HRG: variants seen among roughly 807,000 people sequenced by gnomAD.
The protein encoded by HRG is histidine rich glycoprotein.
A neutral mutation model predicts 29.5 loss-of-function variants in HRG; 26 were observed. That is an observed-to-expected ratio of 0.88 (90% confidence interval 0.65 to 1.22). The LOEUF is 1.22. Ranked by LOEUF, HRG falls within the 50% of genes most tolerant of loss-of-function variation. The probability of loss-of-function intolerance (pLI) is 0.00; values close to 1 mark genes in which losing one functional copy is unlikely to be tolerated. For missense variants in HRG, 671 were observed against 654.5 expected, an observed-to-expected ratio of 1.03 and a Z score of -0.28; for synonymous variants, 243 against 240.4, an observed-to-expected ratio of 1.01 and a Z score of -0.10.
chr3:186,666,745 T>C (rs1444866194), intron 1 of HRG, among the ~76,000 whole-genome samples: 2 of 151,954 alleles, frequency 1.3e-5, no homozygotes, highest in Non-Finnish European at 2.9e-5. Context: ...AAACCCTGTC[T>C]CTACTAAAAA....
At chr3:186,675,302 TG>T in intron 6 of HRG, 112 bp downstream of exon 6, 1 of 569,284 alleles carries the variant, frequency 1.8e-6, no homozygotes, top group East Asian at 4.2e-5. Context: ...TGTGTGTGTG[TG>T]TGTGTGAGAG....
At chr3:186,675,260 T>A in intron 6 of HRG, 70 bp downstream of exon 6, 1 of 947,862 alleles carries the variant, frequency 1.1e-6, no homozygotes, top group Non-Finnish European at 1.7e-6. Context: ...AATAGTGTTG[T>A]TGCTTCCTAA....
chr3:186,677,312 G>A lies in HRG; in HGVS notation c.1007G>A (p.Gly336Glu), dbSNP rs772500244. 2 of 1,614,030 alleles carry A rather than the reference G, an allele frequency of 1.2e-6. No individual in the cohort carries two copies. Among genetic ancestry groups the A allele is most frequent in the Middle Eastern group, 1.6e-4 (1 of 6,062 alleles). The change falls in exon 7 of 7, where the codon GGG (glycine) becomes GAG (glutamate). Residue 336 changes from glycine to glutamate, a missense_variant. Gly to Glu is a moderately conservative substitution (Grantham distance 98). Coordinates refer to ENST00000232003, the MANE Select transcript of HRG (RefSeq NM_000412.5). ...SCQHATFGTNGAQRHSHNNNS... is the reference protein window; with the variant it reads ...SCQHATFGTNEAQRHSHNNNS... ...CAACATGCCACTTTTGGCACAAATG[G>A]GGCCCAAAGACATTCTCATAATAAT...
At position 186,666,685 on chromosome 3, in the gene HRG, C is replaced by T. The variant is rs549251793; in HGVS notation, c.183+471C>T. Among the ~76,000 whole-genome samples, 143 of 152,182 alleles carry T rather than the reference C, an allele frequency of 9.4e-4. 1 individual carries two copies. The highest frequency in any genetic ancestry group is 3.3e-3 in the African/African-American group (136 of 41,538). ...ATCCCAGCACTTTGGGAGGCCAAGG[C>T]GGACGGATCATGAGGTCAGGAGTTC... On this transcript the variant is annotated intron_variant, in intron 1 of 6. Transcript: ENST00000232003.
chr3:186,672,325 G>A lies in HRG; in HGVS notation c.559-462G>A, dbSNP rs73886013. Reference sequence around the variant, plus strand: ...CAAGTAAGGAAATGAGTACCATGCAGTTGCTCAAAGAATGTTTGGACCCAT... The same window carrying A: ...CAAGTAAGGAAATGAGTACCATGCAATTGCTCAAAGAATGTTTGGACCCAT... On this transcript the variant is annotated intron_variant, in intron 4 of 6. Coordinates refer to ENST00000232003, the MANE Select transcript of HRG (RefSeq NM_000412.5). 7.2e-3 allele frequency among the ~76,000 whole-genome samples: 1,101 copies of A among 152,324 alleles called. 12 individuals carry two copies. The highest frequency in any genetic ancestry group is 0.025 in the African/African-American group (1,035 of 41,570).
intron 5 of HRG, chr3:186,673,078 A>G: frequency 1.6e-6 from 1 of 630,122 alleles, no homozygotes; most frequent in Non-Finnish European, 2.8e-6. Context: ...CACTCTTCTA[A>G]GTGATTTACA....
Position 186,670,026 on chromosome 3 carries a change from C to G in HRG, c.389C>G (p.Ser130Cys). The change falls in exon 3 of 7, where the codon TCT becomes TGT. Residue 130 changes from serine to cysteine, a missense_variant and splice_region_variant. By Grantham distance (112) the Ser-to-Cys change is moderately radical. Coordinates refer to ENST00000232003, the MANE Select transcript of HRG (RefSeq NM_000412.5). ...ATTGACTTTAACTGCACCACAAGTT[C>G]TGGTATGGTAATCTGTTAAATTGCT... Reference protein sequence around the residue: ...RVIDFNCTTSSVSSALANTKD... With the variant: ...RVIDFNCTTSCVSSALANTKD... The G allele has an allele frequency of 1.3e-6, 2 of 1,490,446 alleles. No homozygotes were observed. The highest frequency in any genetic ancestry group is 1.9e-6 in the Non-Finnish European group (2 of 1,068,724). 92.3% of individuals were successfully genotyped at this position (1,490,446 alleles called of 1,614,324 possible). A position where few individuals can be genotyped will look rare whatever the true frequency, so the allele number is the denominator to read the frequency against.
Position 186,674,585 on chromosome 3 carries a change from T to G in HRG, c.640-504T>G, listed in dbSNP as rs939900176. The G allele has an allele frequency of 1.3e-5, 3 of 232,932 alleles. No homozygotes were observed. In the Admixed American group the frequency reaches 1.5e-4, roughly 12 times the overall value. The allele number at this position is 232,932 out of a possible 1,614,324, so 14.4% of individuals were successfully genotyped here. ...TCTGGAGCACAGGAGTGGCAGCCAG[T>G]TGTAGCCCTGGCACTTGGGTGGAGT... On this transcript the variant is annotated intron_variant, in intron 5 of 6. Coordinates refer to ENST00000232003, the MANE Select transcript of HRG (RefSeq NM_000412.5).
rs200979058 is a variant in HRG at position 186,677,127 on chromosome 3, C to G, written c.822C>G (p.Thr274=). 3.1e-6 allele frequency: 5 copies of G among 1,614,026 alleles called. No homozygotes were observed. The Admixed American group carries it at 8.3e-5, about 27-fold the overall frequency. The change falls in exon 7 of 7, where the codon ACC becomes ACG. Residue 274 remains threonine (T), a synonymous_variant. Coordinates refer to ENST00000232003, the MANE Select transcript of HRG (RefSeq NM_000412.5). The part of the protein sequence containing the change: ...HWGGHERSST[T]KPPFKPHGSR... ...GTGGGCATGAGCGTTCTTCTACCAC[C>G]AAGCCTCCATTCAAGCCCCATGGAT... is the stretch of plus-strand genomic sequence containing the variant.
intron 3 of HRG, among the ~76,000 whole-genome samples, chr3:186,671,066 A>T (rs1422871473): frequency 1.3e-5 from 2 of 151,592 alleles, no homozygotes; most frequent in African/African-American, 4.8e-5. Flanking sequence ...TTATTAAAAT[A>T]TTAGTGGCCT....
chr3:186,667,277 CA>C (rs1010603422), intron 1 of HRG: 1 of 152,164 alleles, frequency 6.6e-6, no homozygotes, highest in Non-Finnish European at 1.5e-5. Flanking sequence ...AAGAAAGACA[CA>C]GGGGGAAGGT....
At position 186,677,254 on chromosome 3, in the gene HRG, C is replaced by T. The variant is rs1719024851; in HGVS notation, c.949C>T (p.Pro317Ser). ...TGGACCCCCACTTCCACAAGGCCCTCCTCCACTATTGCCCATGTCCTGCTC... is the reference window on the plus strand; with the variant it reads ...TGGACCCCCACTTCCACAAGGCCCTTCTCCACTATTGCCCATGTCCTGCTC... ...SHGPPLPQGP[P>S]PLLPMSCSSC... Residue 317 changes from proline to serine, a missense_variant, in exon 7 of 7, where the codon CCT becomes TCT. Pro to Ser is a moderately conservative substitution (Grantham distance 74). Transcript: ENST00000232003. 4 of 1,614,140 alleles carry T rather than the reference C, an allele frequency of 2.5e-6. No individual in the cohort carries two copies. Among genetic ancestry groups the T allele is most frequent in the Non-Finnish European group, 3.4e-6 (4 of 1,180,018 alleles).
chr3:186,674,938 G>T, intron 5 of HRG, 151 bp from the exon 6 acceptor site: 2 of 721,374 alleles, frequency 2.8e-6, no homozygotes, highest in Non-Finnish European at 2.6e-6. Context: ...AACAAGGAAA[G>T]ATTGCTGAAC....
At position 186,675,108 on chromosome 3, in the gene HRG, C is replaced by T; in HGVS notation, c.659C>T (p.Ala220Val). 1.2e-6 allele frequency: 2 copies of T among 1,613,212 alleles called. No homozygotes were observed. The highest frequency in any genetic ancestry group is 1.1e-5 in the South Asian group (1 of 91,062). The change falls in exon 6 of 7, where the codon GCA (alanine) becomes GTA (valine). Residue 220 changes from alanine (A) to valine (V), a missense_variant. Coordinates refer to ENST00000232003, the MANE Select transcript of HRG (RefSeq NM_000412.5). ...TTGTAGGTCTTTGGATTCTGCAGAG[C>T]AGATTTGTTCTATGATGTAGAAGCC... ...RHPNVFGFCR[A>V]DLFYDVEALD... is the part of the protein sequence containing the mutation.
chr3:186,669,597 T>G (rs1376664064), intron 2 of HRG: 1 of 384,372 alleles, frequency 2.6e-6, no homozygotes, highest in Non-Finnish European at 4.9e-6. Context: ...GTGGAGAACA[T>G]GAAGATGAAT....
At chr3:186,673,029 T>C (rs1368948587) in intron 5 of HRG, 162 bp downstream of exon 5, 1 of 692,608 alleles carries the variant, frequency 1.4e-6, no homozygotes, top group South Asian at 1.6e-5. Context: ...GTCTGTGAAA[T>C]ACAAAGTATC....
chr3:186,672,968 A>G, intron 5 of HRG, 101 bp downstream of exon 5: 1 of 817,026 alleles, frequency 1.2e-6, no homozygotes, highest in Non-Finnish European at 2.2e-6. Context: ...GAGAAGAAGG[A>G]GAAGAGGAAT....
In HRG at chr3:186,671,697, A is replaced by G; in HGVS notation, c.466A>G (p.Lys156Glu). 1 of 1,614,104 alleles carries G rather than the reference A, an allele frequency of 6.2e-7. No individual in the cohort carries two copies. Among genetic ancestry groups the G allele is most frequent in the Non-Finnish European group, 8.5e-7 (1 of 1,179,942 alleles). Residue 156 changes from lysine (K) to glutamate (E), a missense_variant, in exon 4 of 7, where the codon AAA (lysine) becomes GAA (glutamate). Lys to Glu is a moderately conservative substitution (Grantham distance 56). Transcript: ENST00000232003. Reference protein sequence around the residue: ...DFFEDTERYRKQANKALEKYK... With the variant: ...DFFEDTERYREQANKALEKYK... ...CTTTGAGGATACTGAGCGCTACAGA[A>G]AACAAGCCAACAAAGCCCTTGAGAA...
intron 1 of HRG, among the ~76,000 whole-genome samples, chr3:186,667,903 G>C (rs1579072870): frequency 6.6e-6 from 1 of 152,140 alleles, no homozygotes; most frequent in East Asian, 1.9e-4. Flanking sequence ...ACATTATAGA[G>C]AGACATGAAG....
Sources: allele counts gnomAD v4.1 joint callset (sites outside exome capture counted in the v4.1 genomes callset), GRCh38; gene constraint gnomAD v4.1.1; transcripts MANE v1.5; gene names NCBI Gene and HGNC (gene_info 2026-07-23, HGNC 2026-07-21).